FBN2: variants seen among roughly 807,000 people sequenced by gnomAD.
FBN2 encodes fibrillin 2.
FBN2 carries 105 observed loss-of-function variants against 355.6 expected under a neutral mutation model. The ratio of observed to expected loss-of-function variants is 0.30; its 90% CI spans 0.25 to 0.35. The LOEUF is 0.35. FBN2 is among the 10% of genes least tolerant of loss of function. The pLI is 1.00. For missense variants in FBN2, 3,280 were observed against 3,758.7 expected (o/e 0.87, Z 3.33); for synonymous variants, 1,350 against 1,301.2 (o/e 1.04, Z -0.81).
chr5:128,278,146 C>CG, intron 57 of FBN2, 141 bp from the exon 58 acceptor site: 1 of 824,006 alleles, frequency 1.2e-6, no homozygotes, highest in South Asian at 1.5e-5. Flanking sequence ...ACCTGTTCAT[C>CG]ATTCAGGTGA....
intron 5 of FBN2, among the ~76,000 whole-genome samples, chr5:128,482,634 A>G (rs1043304401): frequency 5.9e-5 from 9 of 152,068 alleles, no homozygotes; most frequent in Non-Finnish European, 1.3e-4. Context: ...TTTAGATTAG[A>G]GTTTTAAAAT....
At chr5:128,414,504 C>T (rs539239022) in intron 7 of FBN2, among the ~76,000 whole-genome samples, 4 of 152,038 alleles carry the variant, frequency 2.6e-5, no homozygotes, top group East Asian at 1.9e-4. Flanking sequence ...TATGGATATA[C>T]CACAGTTTAT....
chr5:128,395,958 C>T (rs1449405045), intron 8 of FBN2, among the ~76,000 whole-genome samples: 1 of 152,170 alleles, frequency 6.6e-6, no homozygotes, highest in Admixed American at 6.6e-5. Context: ...CAATGGTTTA[C>T]ATTTTTAAGA....
At chr5:128,304,187 C>T (rs1447277023) in intron 45 of FBN2, among the ~76,000 whole-genome samples, 1 of 152,174 alleles carries the variant, frequency 6.6e-6, no homozygotes, top group African/African-American at 2.4e-5. Context: ...ATGCTAATTA[C>T]AAGTAGCCAA....
intron 7 of FBN2, among the ~76,000 whole-genome samples, chr5:128,413,658 A>G (rs1348263425): frequency 6.6e-6 from 1 of 152,176 alleles, no homozygotes; most frequent in Admixed American, 6.5e-5. Context: ...ATGATCTCAG[A>G]TATCAATGAA....
intron 5 of FBN2, among the ~76,000 whole-genome samples, chr5:128,484,279 T>C (rs1245572529): frequency 2.0e-5 from 3 of 152,206 alleles, no homozygotes; most frequent in Non-Finnish European, 4.4e-5. Flanking sequence ...TGAGCAAAAG[T>C]CATAATAGAA....
In FBN2 at chr5:128,276,105, A is replaced by C; in HGVS notation, c.7527T>G (p.Thr2509=). 6.2e-7 allele frequency: 1 copy of C among 1,613,766 alleles called. No homozygotes were observed. The highest frequency in any genetic ancestry group is 8.5e-7 in the Non-Finnish European group (1 of 1,179,726). ...GACATGAACACTGATAACTCCCCTC[A>C]GTGTTCTTGCAGATGTAGTTGCATG... is the stretch of plus-strand genomic sequence containing the variant. The part of the protein sequence containing the change: ...PKPCNYICKN[T]EGSYQCSCPR... The change falls in exon 59 of 65, where the codon ACT becomes ACG. Residue 2509 remains threonine, a synonymous_variant. Coordinates refer to ENST00000262464, the MANE Select transcript of FBN2 (RefSeq NM_001999.4).
Position 128,298,626 on chromosome 5 carries a change from C to T in FBN2, c.6166+2191G>A, listed in dbSNP as rs1348846060. 2.4e-4 allele frequency among the ~76,000 whole-genome samples: 36 copies of T among 152,318 alleles called. No homozygotes were observed. In the South Asian group the frequency reaches 5.4e-3, roughly 23 times the overall value. On this transcript the variant is annotated intron_variant, in intron 48 of 64. Transcript: ENST00000262464. ...TGATACCCTTTCTTCCAGTTGATCG[C>T]GTCAGCTCCTGAGGCTTCTGCATTC...
At chr5:128,444,166 G>A (rs1277994609) in intron 7 of FBN2, among the ~76,000 whole-genome samples, 1 of 144,146 alleles carries the variant, frequency 6.9e-6, no homozygotes, top group East Asian at 2.1e-4. Context: ...TCCGCCTCCT[G>A]GGTTCACGCC....
intron 6 of FBN2, among the ~76,000 whole-genome samples, chr5:128,447,325 C>T (rs1030985758): frequency 6.6e-5 from 10 of 152,128 alleles, no homozygotes; most frequent in South Asian, 2.1e-4. Context: ...TCGCTGAATT[C>T]GTTTTCTCAG....
intron 55 of FBN2, among the ~76,000 whole-genome samples, chr5:128,281,324 C>T (rs1765538684): frequency 6.6e-6 from 1 of 152,116 alleles, no homozygotes; most frequent in African/African-American, 2.4e-5. Flanking sequence ...CCTCCTTTTC[C>T]CTATGAACTC....
rs544826500 is a variant in FBN2, at chr5:128,416,042, T to C, written c.953-7243A>G. ...TAGTTTGCACTTTTTTTTTTTTTTT[T>C]TTAGACAGAGTTTTGCTCTTGCTGC... On this transcript the variant is annotated intron_variant, in intron 7 of 64. Transcript: ENST00000262464. Among the ~76,000 whole-genome samples, 20 of 152,062 alleles carry C rather than the reference T, an allele frequency of 1.3e-4. No homozygotes were observed. The East Asian group carries it at 3.9e-3, about 29-fold the overall frequency.
intron 36 of FBN2, among the ~76,000 whole-genome samples, chr5:128,315,160 T>C (rs1046668400): frequency 6.6e-6 from 1 of 152,164 alleles, no homozygotes; most frequent in Non-Finnish European, 1.5e-5. Flanking sequence ...TAAGTCATTT[T>C]AAAAAATAAT....
chr5:128,472,641 A>G (rs995293092), intron 5 of FBN2, among the ~76,000 whole-genome samples: 2 of 151,992 alleles, frequency 1.3e-5, no homozygotes, highest in African/African-American at 4.8e-5. Context: ...AAAATACGAA[A>G]TTAGCTAGGC....
Position 128,310,929 on chromosome 5 carries a change from T to A in FBN2, c.5074+371A>T, listed in dbSNP as rs543323345. Among the ~76,000 whole-genome samples the A allele has an allele frequency of 3.3e-5, 5 of 152,252 alleles. No individual in the cohort carries two copies. In the South Asian group the frequency reaches 1.0e-3, roughly 32 times the overall value. ...TTCTTCATACCATATAGTCCAACAT[T>A]TAAAAATTACTGATCAATATTAAGT... On this transcript the variant is annotated intron_variant, in intron 39 of 64. Coordinates refer to ENST00000262464, the MANE Select transcript of FBN2 (RefSeq NM_001999.4).
intron 4 of FBN2, among the ~76,000 whole-genome samples, chr5:128,521,151 T>G (rs1756422832): frequency 6.6e-6 from 1 of 151,844 alleles, no homozygotes; most frequent in African/African-American, 2.4e-5. Flanking sequence ...ATAAAGAAAA[T>G]GTGGCACATA....
intron 11 of FBN2, among the ~76,000 whole-genome samples, chr5:128,382,041 T>C (rs1752247800): frequency 6.6e-6 from 1 of 152,064 alleles, no homozygotes; most frequent in Admixed American, 6.6e-5. Flanking sequence ...CTCTCATCTA[T>C]ACTGTTTAAT....
At chr5:128,520,831 T>C (rs1756412634) in intron 4 of FBN2, among the ~76,000 whole-genome samples, 1 of 152,166 alleles carries the variant, frequency 6.6e-6, no homozygotes, top group Admixed American at 6.6e-5. Context: ...TCTGCTTCTT[T>C]ACCTATCTCC....
At chr5:128,535,474 T>G (rs532502997) in intron 2 of FBN2, among the ~76,000 whole-genome samples, 108 of 152,274 alleles carry the variant, frequency 7.1e-4, no homozygotes. Flanking sequence ...TGGCTCTAAA[T>G]GAATGTGCTG....
Sources: allele counts gnomAD v4.1 joint callset (sites outside exome capture counted in the v4.1 genomes callset), GRCh38; gene constraint gnomAD v4.1.1; transcripts MANE v1.5; gene names NCBI Gene and HGNC (gene_info 2026-07-23, HGNC 2026-07-21).